The following SRPRB variants were observed in gnomAD, a reference collection of about 807,000 sequenced individuals.
SRPRB encodes signal recognition particle receptor subunit beta.
In SRPRB, 20 loss-of-function variants were observed where a neutral mutation model predicts 31.9. The observed-to-expected ratio is 0.63, with a 90% CI of 0.44 to 0.91. The LOEUF is 0.91. Ranked by LOEUF, SRPRB falls within the 40% of genes least tolerant of loss-of-function variation. SRPRB has a pLI of 0.00. For synonymous variants in SRPRB, 146 were observed against 132.8 expected (o/e 1.10, Z -0.68); for missense variants, 321 against 324.9 (o/e 0.99, Z 0.09).
chr3:133,818,679 A>G (rs768838203), intron 6 of SRPRB, among the ~76,000 whole-genome samples: 15 of 152,180 alleles, frequency 9.9e-5, no homozygotes, highest in Admixed American at 3.9e-4. Context: ...ATGAATACCT[A>G]TGTACTCACC....
chr3:133,810,781 T>G (rs1181680261), intron 3 of SRPRB: 1 of 210,360 alleles, frequency 4.8e-6, no homozygotes, highest in Non-Finnish European at 9.5e-6. Context: ...TCACACTGGT[T>G]TATCTCCCAA....
At chr3:133,821,951 T>C (rs62280624), downstream of SRPRB, among the ~76,000 whole-genome samples, 15,088 of 152,168 alleles carry the variant, frequency 0.099, 1,236 homozygotes, top group African/African-American at 0.22. Flanking sequence ...CCTGTACTAG[T>C]AGCAGGCATT....
At chr3:133,811,862 G>T (rs1206038690) in intron 4 of SRPRB, among the ~76,000 whole-genome samples, 1 of 152,276 alleles carries the variant, frequency 6.6e-6, no homozygotes, top group East Asian at 1.9e-4. Flanking sequence ...AATTACAGGC[G>T]TGAGCCACTG....
At chr3:133,785,209 T>G (rs1359192710) in intron 1 of SRPRB, 1 of 60,532 alleles carries the variant, frequency 1.7e-5, no homozygotes, top group South Asian at 1.0e-3. Flanking sequence ...CCGCCCCGTC[T>G]GGGAGGTGAG....
At chr3:133,827,924 A>T, downstream of SRPRB, 1 of 702,770 alleles carries the variant, frequency 1.4e-6, no homozygotes, top group Non-Finnish European at 2.6e-6. Context: ...ATATTTTCAG[A>T]AGTACACATG....
Position 133,807,795 on chromosome 3 carries a change from G to A in SRPRB, c.299G>A (p.Cys100Tyr), listed in dbSNP as rs755986028. 3 of 1,612,530 alleles carry A rather than the reference G, an allele frequency of 1.9e-6. No homozygotes were observed. Among genetic ancestry groups the A allele is most frequent in the Non-Finnish European group, 2.5e-6 (3 of 1,179,682 alleles). ...ACTCAGACGTCCATTACTGACAGCT[G>A]TGCTGTATACAGAGTCAACAATAAC... is the stretch of plus-strand genomic sequence containing the variant. ...RDTQTSITDS[C>Y]AVYRVNNNRG... The change falls in exon 3 of 7, where the codon TGT becomes TAT. Residue 100 changes from cysteine (C) to tyrosine (Y), a missense_variant. Transcript: ENST00000678299.
intron 6 of SRPRB, among the ~76,000 whole-genome samples, chr3:133,817,527 T>C (rs1456653581): frequency 1.3e-5 from 2 of 152,164 alleles, no homozygotes; most frequent in African/African-American, 2.4e-5. Flanking sequence ...GGTTTGTAAA[T>C]TGAGCTATAA....
In SRPRB at chr3:133,819,731, C is replaced by G. The variant is rs1935435655; in HGVS notation, c.781C>G (p.Gln261Glu). The part of the protein sequence containing the change: ...GRGDVGSADI[Q>E]DLEKWLAKIA ...AGGGGACGTGGGCTCTGCTGACATC[C>G]AGGACTTGGAGAAATGGCTGGCTAA... Residue 261 changes from glutamine (Q) to glutamate (E), a missense_variant, in exon 7 of 7, where the codon CAG becomes GAG. Transcript: ENST00000678299. The G allele has an allele frequency of 1.2e-6, 2 of 1,613,936 alleles. No individual in the cohort carries two copies. The highest frequency in any genetic ancestry group is 1.7e-5 in the Admixed American group (1 of 60,004).
chr3:133,825,447 T>C (rs1402797646), downstream of SRPRB: 1 of 152,174 alleles, frequency 6.6e-6, no homozygotes, highest in Non-Finnish European at 1.5e-5. Context: ...CATGACTGAA[T>C]GTTTAAGGAT....
chr3:133,824,783 AGAG>A (rs878951788), downstream of SRPRB: 1 of 152,276 alleles, frequency 6.6e-6, no homozygotes, highest in South Asian at 2.1e-4. Flanking sequence ...CTAACCAAAA[AGAG>A]TAGAGATGGT....
intron 3 of SRPRB, 138 bp from the exon 4 acceptor site, chr3:133,810,979 T>G (rs1040775997): frequency 2.5e-6 from 2 of 792,652 alleles, no homozygotes; most frequent in African/African-American, 3.5e-5. Flanking sequence ...TGACTAGTGT[T>G]TTATGAGTAG....
In SRPRB at chr3:133,805,910, C is replaced by T. The variant is rs992317278; in HGVS notation, c.62C>T (p.Pro21Leu). The change falls in exon 1 of 7, where the codon CCC becomes CTC. Residue 21 changes from proline to leucine, a missense_variant. Pro to Leu is a moderately conservative substitution (Grantham distance 98). Transcript: ENST00000678299. Reference protein sequence around the residue: ...DGGGAGGTFQPYLDTLRQELQ... With the variant: ...DGGGAGGTFQLYLDTLRQELQ... ...GGCGGTGCCGGGGGCACCTTCCAGC[C>T]CTACCTAGACACCTTGCGGCAGGAG... 2 of 1,614,028 alleles carry T rather than the reference C, an allele frequency of 1.2e-6. No individual in the cohort carries two copies. Among genetic ancestry groups the T allele is most frequent in the Non-Finnish European group, 1.7e-6 (2 of 1,179,900 alleles).
intron 3 of SRPRB, among the ~76,000 whole-genome samples, chr3:133,808,904 AAT>A (rs1371139631): frequency 1.1e-4 from 17 of 150,758 alleles, no homozygotes; most frequent in African/African-American, 3.7e-4. Context: ...AAAAAAAAAA[AAT>A]ATAAGGAATC....
rs777471623 is a variant in SRPRB at position 133,819,617 on chromosome 3, G to A, written c.667G>A (p.Ala223Thr). 5.6e-6 allele frequency: 9 copies of A among 1,614,072 alleles called. No individual in the cohort carries two copies. The highest frequency in any genetic ancestry group is 1.7e-5 in the Admixed American group (1 of 59,996). ...STLDSSSTAP[A>T]QLGKKGKEFE... ...ACTGGACAGTTCCAGCACTGCCCCT[G>A]CTCAGCTGGGGAAGAAAGGCAAAGA... is the stretch of plus-strand genomic sequence containing the variant. Residue 223 changes from alanine to threonine, a missense_variant, in exon 7 of 7, where the codon GCT (alanine) becomes ACT (threonine). By Grantham distance (58) the Ala-to-Thr change is moderately conservative. Transcript: ENST00000678299.
At chr3:133,810,935 C>T (rs1343420118) in intron 3 of SRPRB, 182 bp from the exon 4 acceptor site, 1 of 494,512 alleles carries the variant, frequency 2.0e-6, no homozygotes, top group Non-Finnish European at 3.5e-6. Context: ...GATCAGGAAC[C>T]GTGTCTTTGG....
rs546304459 is a variant in SRPRB, at chr3:133,816,998, C to T, written c.602+66C>T. 1.4e-5 allele frequency: 18 copies of T among 1,297,258 alleles called. No individual in the cohort carries two copies. In the South Asian group the frequency reaches 2.8e-4, roughly 20 times the overall value. 80.4% of individuals were successfully genotyped at this position (1,297,258 alleles called of 1,614,324 possible). On this transcript the variant is annotated intron_variant, in intron 6 of 6. Coordinates refer to ENST00000678299, the MANE Select transcript of SRPRB (RefSeq NM_001379313.1). ...ACACTTAGACTGTAAGCAGCATATTCATGTTTCTTTTGTTTGGTTTTATGT... is the reference window on the plus strand; with the variant it reads ...ACACTTAGACTGTAAGCAGCATATTTATGTTTCTTTTGTTTGGTTTTATGT...
At chr3:133,814,561 C>T (rs912134201) in intron 4 of SRPRB, among the ~76,000 whole-genome samples, 2 of 152,172 alleles carry the variant, frequency 1.3e-5, no homozygotes, top group Admixed American at 6.5e-5. Context: ...GCCTCAGACT[C>T]TCAAGTAGCT....
At chr3:133,810,172 G>C (rs965720021) in intron 3 of SRPRB, 4 of 152,114 alleles carry the variant, frequency 2.6e-5, no homozygotes, top group Admixed American at 2.0e-4. Context: ...AAAAAAAAGA[G>C]AGGGACTAAT....
At chr3:133,814,552 CCTCAGA>C (rs1161518412) in intron 4 of SRPRB, among the ~76,000 whole-genome samples, 1 of 152,152 alleles carries the variant, frequency 6.6e-6, no homozygotes, top group Admixed American at 6.5e-5. Flanking sequence ...AACTCTTCTG[CCTCAGA>C]CTCTCAAGTA....
Sources: allele counts gnomAD v4.1 joint callset (sites outside exome capture counted in the v4.1 genomes callset), GRCh38; gene constraint gnomAD v4.1.1; transcripts MANE v1.5; gene names NCBI Gene and HGNC (gene_info 2026-07-23, HGNC 2026-07-21).